The following CDH8 variants were observed in gnomAD, a reference collection of about 807,000 sequenced individuals.
CDH8 encodes cadherin 8.
In CDH8, 17 loss-of-function variants were observed where a neutral mutation model predicts 68.1. The ratio of observed to expected loss-of-function variants is 0.25; its 90% CI spans 0.17 to 0.37. The LOEUF is 0.37. CDH8 is among the 10% of genes least tolerant of loss of function. The probability of loss-of-function intolerance (pLI) is 1.00; values close to 1 mark genes in which losing one functional copy is unlikely to be tolerated. For missense variants in CDH8, 763 were observed against 999.3 expected (o/e 0.76, Z 3.19); for synonymous variants, 372 against 365.1 (o/e 1.02, Z -0.21).
intron 9 of CDH8, among the ~76,000 whole-genome samples, chr16:61,717,057 G>T (rs1006231714): frequency 1.3e-5 from 2 of 151,500 alleles, no homozygotes; most frequent in African/African-American, 4.8e-5. Context: ...ACCTCAGCTG[G>T]TTTTTTCAAG....
At position 61,648,147 on chromosome 16, in the gene CDH8, T is replaced by C. The variant is rs1963244570; in HGVS notation, c.*5461A>G. 7.4e-6 allele frequency: 2 copies of C among 271,156 alleles called. No homozygotes were observed. The highest frequency in any genetic ancestry group is 7.6e-5 in the East Asian group (1 of 13,212). The allele number at this position is 271,156 out of a possible 1,614,324, so 16.8% of individuals were successfully genotyped here. A position where few individuals can be genotyped will look rare whatever the true frequency, so the allele number is the denominator to read the frequency against. On this transcript the variant is annotated 3_prime_UTR_variant, in exon 12 of 12. Coordinates refer to ENST00000577390, the MANE Select transcript of CDH8 (RefSeq NM_001796.5). Reference sequence around the variant, plus strand: ...GGAGATGACCCCAAATACCAGCATGTAATTTCTGTTTCTCTCACATATTTG... The same window carrying C: ...GGAGATGACCCCAAATACCAGCATGCAATTTCTGTTTCTCTCACATATTTG...
chr16:61,700,322 C>G (rs531453012), intron 10 of CDH8, among the ~76,000 whole-genome samples: 1 of 151,234 alleles, frequency 6.6e-6, no homozygotes, highest in South Asian at 2.1e-4. Context: ...ACTCTGTCGC[C>G]CAGGCTGGAG....
chr16:61,902,104 T>G (rs1010278569), intron 2 of CDH8, among the ~76,000 whole-genome samples: 1 of 152,202 alleles, frequency 6.6e-6, no homozygotes, highest in Non-Finnish European at 1.5e-5. Context: ...TTCCTTTAGT[T>G]CTGACAATTC....
chr16:61,684,173 T>C (rs1442641746), intron 10 of CDH8, among the ~76,000 whole-genome samples: 1 of 152,012 alleles, frequency 6.6e-6, no homozygotes, highest in East Asian at 1.9e-4. Flanking sequence ...TCTGTGAGAC[T>C]AGCAATAATA....
At chr16:61,926,837 A>C (rs987797629) in intron 2 of CDH8, among the ~76,000 whole-genome samples, 5 of 152,178 alleles carry the variant, frequency 3.3e-5, no homozygotes, top group African/African-American at 1.2e-4. Flanking sequence ...AAATGGATAC[A>C]AAGGGTCTCA....
chr16:61,979,589 G>C (rs958687003), intron 2 of CDH8, among the ~76,000 whole-genome samples: 1 of 151,254 alleles, frequency 6.6e-6, no homozygotes, highest in Admixed American at 6.6e-5. Context: ...AAAAACCTTT[G>C]TGCCAACTCA....
rs1963335919 is a variant in CDH8, at chr16:61,652,138, C to T, written c.*1470G>A. ...AAATTAAAATGATCTGCATGTAATA[C>T]TTGAGTTTTATCATACATTTTCTAC... On this transcript the variant is annotated 3_prime_UTR_variant, in exon 12 of 12. Coordinates refer to ENST00000577390, the MANE Select transcript of CDH8 (RefSeq NM_001796.5). 2.0e-6 allele frequency: 2 copies of T among 977,292 alleles called. No individual in the cohort carries two copies. The highest frequency in any genetic ancestry group is 3.5e-5 in the African/African-American group (2 of 57,164). 60.5% of individuals were successfully genotyped at this position (977,292 alleles called of 1,614,324 possible).
chr16:61,711,769 A>G (rs750381273), intron 10 of CDH8: 2 of 151,704 alleles, frequency 1.3e-5, no homozygotes, highest in Non-Finnish European at 3.0e-5. Context: ...ATCACAGTGA[A>G]CATAAGTCCT....
intron 4 of CDH8, among the ~76,000 whole-genome samples, chr16:61,853,586 G>A (rs1962983685): frequency 6.6e-6 from 1 of 152,098 alleles, no homozygotes; most frequent in Non-Finnish European, 1.5e-5. Context: ...GTGGTGATGT[G>A]TAATGGTATT....
intron 8 of CDH8, among the ~76,000 whole-genome samples, chr16:61,734,305 T>G (rs1959615306): frequency 6.8e-6 from 1 of 146,142 alleles, no homozygotes; most frequent in South Asian, 2.1e-4. Context: ...GAGAACATAT[T>G]GGGACCTTGT....
intron 2 of CDH8, among the ~76,000 whole-genome samples, chr16:62,017,358 A>T (rs1901966231): frequency 6.6e-6 from 1 of 152,154 alleles, no homozygotes; most frequent in Non-Finnish European, 1.5e-5. Flanking sequence ...TACATTTTAG[A>T]AGAACTGATA....
chr16:61,866,939 T>A (rs959594497), intron 3 of CDH8, among the ~76,000 whole-genome samples: 4 of 152,144 alleles, frequency 2.6e-5, no homozygotes, highest in Admixed American at 2.0e-4. Flanking sequence ...GGCTGTTCGT[T>A]TTTTTTGTCC....
At chr16:62,030,617 A>T (rs976414442) in intron 1 of CDH8, among the ~76,000 whole-genome samples, 4 of 152,180 alleles carry the variant, frequency 2.6e-5, no homozygotes, top group African/African-American at 9.7e-5. Flanking sequence ...ATCTAGAATC[A>T]AATAATCATA....
At chr16:61,871,815 CAAAAAAAAAAAAAAAAAAAAAAA>C (rs144379377) in intron 3 of CDH8, among the ~76,000 whole-genome samples, 1 of 43,344 alleles carries the variant, frequency 2.3e-5, no homozygotes, top group Non-Finnish European at 4.0e-5. Context: ...GTTCTATATG[CAAAAAAAAAAAAAAAAAAAAAAA>C]AAAAAAAAAC....
At chr16:61,726,971 G>T in intron 9 of CDH8, 123 bp downstream of exon 9, 1 of 989,718 alleles carries the variant, frequency 1.0e-6, no homozygotes, top group Non-Finnish European at 1.5e-6. Context: ...CCATTTGGAT[G>T]TGTTTCTTGC....
intron 4 of CDH8, among the ~76,000 whole-genome samples, chr16:61,856,496 A>G (rs2143015317): frequency 6.6e-6 from 1 of 152,262 alleles, no homozygotes; most frequent in East Asian, 1.9e-4. Context: ...TAGATAACTT[A>G]CTTCATGGCT....
chr16:61,722,961 C>T (rs80234521), intron 9 of CDH8, among the ~76,000 whole-genome samples: 4,802 of 150,676 alleles, frequency 0.032, 354 homozygotes, highest in East Asian at 0.24. Context: ...AATTATACCC[C>T]ACTAGATTTA....
chr16:61,762,333 A>G (rs945739864), intron 8 of CDH8, among the ~76,000 whole-genome samples: 1 of 152,348 alleles, frequency 6.6e-6, no homozygotes, highest in Middle Eastern at 3.4e-3. Context: ...ACCATTGGAA[A>G]AACAACTATG....
At chr16:61,945,504 G>A (rs944998128) in intron 2 of CDH8, among the ~76,000 whole-genome samples, 1 of 150,946 alleles carries the variant, frequency 6.6e-6, no homozygotes, top group East Asian at 2.0e-4. Flanking sequence ...TACCCTCAAA[G>A]GTTACCTGAA....
Sources: gnomAD v4.1 joint callset for allele counts (sites outside exome capture counted in the v4.1 genomes callset) on GRCh38, gnomAD v4.1.1 for gene constraint, MANE v1.5 for transcripts, NCBI Gene and HGNC (gene_info 2026-07-23, HGNC 2026-07-21) for gene names.